The following PEX5L variants were observed in gnomAD, a reference collection of about 807,000 sequenced individuals.
PEX5L encodes peroxisomal biogenesis factor 5 like, also known as PEX5-related protein.
PEX5L carries 30 observed loss-of-function variants against 84.0 expected under a neutral mutation model. That is an observed-to-expected ratio of 0.36 (90% CI 0.27 to 0.48). The LOEUF is 0.48. Among genes scored for constraint, PEX5L ranks in the 20% least tolerant of loss-of-function variants. The probability of loss-of-function intolerance (pLI) is 0.99; values close to 1 mark genes in which losing one functional copy is unlikely to be tolerated. For missense variants in PEX5L, 533 were observed against 754.6 expected, an observed-to-expected ratio of 0.71 and a Z score of 3.44; for synonymous variants, 270 against 283.1, an observed-to-expected ratio of 0.95 and a Z score of 0.46.
At chr3:179,933,064 TG>T (rs1326481321) in intron 2 of PEX5L, among the ~76,000 whole-genome samples, 1 of 152,216 alleles carries the variant, frequency 6.6e-6, no homozygotes, top group Non-Finnish European at 1.5e-5. Context: ...TCTGCTTCTA[TG>T]AGTTCAATTT....
At chr3:180,018,277 T>A (rs909408682) in intron 1 of PEX5L, among the ~76,000 whole-genome samples, 44 of 152,202 alleles carry the variant, frequency 2.9e-4, no homozygotes, top group Admixed American at 1.0e-3. Flanking sequence ...ATATTTGCAA[T>A]TTTTCCATCA....
intron 10 of PEX5L, among the ~76,000 whole-genome samples, chr3:179,812,915 C>T (rs1395694145): frequency 1.3e-5 from 2 of 151,766 alleles, no homozygotes; most frequent in Admixed American, 6.6e-5. Flanking sequence ...TAGATTATAC[C>T]GTTTTAAAAC....
chr3:179,951,287 C>T (rs1391353349), intron 2 of PEX5L, among the ~76,000 whole-genome samples: 1 of 152,154 alleles, frequency 6.6e-6, no homozygotes, highest in African/African-American at 2.4e-5. Flanking sequence ...TAGCTTTCTA[C>T]TCCCGTGTCT....
Position 180,025,796 on chromosome 3 carries a change from G to A in PEX5L, c.21+10783C>T, listed in dbSNP as rs565281544. On this transcript the variant is annotated intron_variant, in intron 1 of 14. Transcript: ENST00000467460. ...CTTTATTCCACAGATAGTATGTTAAGAAACATTTTGGTAGCTCTATAAAAA... is the reference window on the plus strand; with the variant it reads ...CTTTATTCCACAGATAGTATGTTAAAAAACATTTTGGTAGCTCTATAAAAA... Among the ~76,000 whole-genome samples the A allele has an allele frequency of 2.0e-5, 3 of 152,358 alleles. No homozygotes were observed. The East Asian group carries it at 5.8e-4, about 29-fold the overall frequency.
chr3:179,849,454 G>A lies in PEX5L; in HGVS notation c.822+9608C>T, dbSNP rs535696952. Among the ~76,000 whole-genome samples, 27 of 152,294 alleles carry A rather than the reference G, an allele frequency of 1.8e-4. No individual in the cohort carries two copies. In the South Asian group the frequency reaches 5.0e-3, roughly 28 times the overall value. On this transcript the variant is annotated intron_variant, in intron 8 of 14. Coordinates refer to ENST00000467460, the MANE Select transcript of PEX5L (RefSeq NM_016559.3). ...AACCACGCATTTTACTAATGAAAAA[G>A]CTGCGGCCCAAATGCCATATTTTCA... is the stretch of plus-strand genomic sequence containing the variant.
chr3:179,980,784 G>C (rs992583381), intron 1 of PEX5L, among the ~76,000 whole-genome samples: 8 of 152,130 alleles, frequency 5.3e-5, no homozygotes, highest in African/African-American at 1.9e-4. Context: ...GCTCACACCT[G>C]TAATCCCAGC....
At chr3:179,957,243 C>T (rs1233809583) in intron 2 of PEX5L, among the ~76,000 whole-genome samples, 2 of 152,138 alleles carry the variant, frequency 1.3e-5, no homozygotes, top group Non-Finnish European at 2.9e-5. Context: ...TACTTTCTCT[C>T]TTGTCCAAAA....
In PEX5L at chr3:179,825,010, T is replaced by C. The variant is rs1453975203; in HGVS notation, c.823-5034A>G. Among the ~76,000 whole-genome samples the C allele has an allele frequency of 3.3e-5, 5 of 152,306 alleles. No individual in the cohort carries two copies. In the East Asian group the frequency reaches 9.6e-4, roughly 29 times the overall value. On this transcript the variant is annotated intron_variant, in intron 8 of 14. Coordinates refer to ENST00000467460, the MANE Select transcript of PEX5L (RefSeq NM_016559.3). ...ACATCACAGATGTGCAGTGTTCTCA[T>C]GGAGGATGGGATAGAATTTCAATTG... is the stretch of plus-strand genomic sequence containing the variant.
At chr3:179,952,811 A>G (rs1779459809) in intron 2 of PEX5L, among the ~76,000 whole-genome samples, 1 of 152,234 alleles carries the variant, frequency 6.6e-6, no homozygotes, top group Non-Finnish European at 1.5e-5. Flanking sequence ...CTAAGCAAAA[A>G]GAAGAAAGCT....
chr3:179,926,550 C>A (rs1771512627), intron 2 of PEX5L, among the ~76,000 whole-genome samples: 2 of 152,202 alleles, frequency 1.3e-5, no homozygotes, highest in Non-Finnish European at 2.9e-5. Flanking sequence ...AAAATAGGCC[C>A]TCCTTTGCTT....
intron 7 of PEX5L, among the ~76,000 whole-genome samples, chr3:179,866,790 C>T (rs1239742932): frequency 4.0e-5 from 6 of 151,706 alleles, no homozygotes; most frequent in Non-Finnish European, 5.9e-5. Flanking sequence ...TTTGGGAGGC[C>T]GAGGTGGGCG....
At chr3:179,996,627 T>C (rs911922486) in intron 1 of PEX5L, among the ~76,000 whole-genome samples, 8 of 152,144 alleles carry the variant, frequency 5.3e-5, no homozygotes, top group East Asian at 1.9e-4. Context: ...CCTTGTGAAA[T>C]AGATTTGTGA....
chr3:179,809,424 G>A, intron 12 of PEX5L, 47 bp downstream of exon 12: 1 of 1,401,524 alleles, frequency 7.1e-7, no homozygotes, highest in Non-Finnish European at 1.0e-6. Flanking sequence ...GTGATTCATT[G>A]TATATATGGG....
At chr3:179,863,678 A>T (rs919135048) in intron 7 of PEX5L, among the ~76,000 whole-genome samples, 7 of 152,286 alleles carry the variant, frequency 4.6e-5, no homozygotes, top group Admixed American at 2.0e-4. Flanking sequence ...AAGATGAAAG[A>T]TAAGTGTTGG....
chr3:179,993,908 C>T (rs2084736547), intron 1 of PEX5L, among the ~76,000 whole-genome samples: 2 of 152,174 alleles, frequency 1.3e-5, no homozygotes, highest in Admixed American at 1.3e-4. Context: ...ATGTTCAATG[C>T]ACACACTTTC....
At chr3:179,972,942 A>T (rs1785128894) in intron 1 of PEX5L, among the ~76,000 whole-genome samples, 2 of 152,144 alleles carry the variant, frequency 1.3e-5, no homozygotes. Context: ...TGGCCACAGC[A>T]TTTCTCCCTA....
rs1292779641 is a variant in PEX5L at position 179,794,961 on chromosome 3, A to T, written c.*6867T>A. The T allele has an allele frequency of 6.6e-6, 1 of 152,214 alleles. No homozygotes were observed. Among genetic ancestry groups the T allele is most frequent in the East Asian group, 1.9e-4 (1 of 5,200 alleles). The allele number at this position is 152,214 out of a possible 1,614,324, so 9.4% of individuals were successfully genotyped here. On this transcript the variant is annotated 3_prime_UTR_variant, in exon 15 of 15. Coordinates refer to ENST00000467460, the MANE Select transcript of PEX5L (RefSeq NM_016559.3). ...CCAAAAGACCCTAAAACTGAAATTT[A>T]TTTTAATATTTTTATTCTAAAAAGA... is the stretch of plus-strand genomic sequence containing the variant.
intron 2 of PEX5L, among the ~76,000 whole-genome samples, chr3:179,946,086 C>T (rs1345542201): frequency 6.6e-6 from 1 of 151,398 alleles, no homozygotes; most frequent in Non-Finnish European, 1.5e-5. Context: ...CCTTACCTCT[C>T]TTCATTGCTC....
At chr3:179,832,132 G>A (rs1457392677) in intron 8 of PEX5L, among the ~76,000 whole-genome samples, 1 of 152,080 alleles carries the variant, frequency 6.6e-6, no homozygotes, top group African/African-American at 2.4e-5. Context: ...GTAGGGTGCT[G>A]GCAGTGGAGA....
Sources: gnomAD v4.1 joint callset for allele counts (sites outside exome capture counted in the v4.1 genomes callset) on GRCh38, gnomAD v4.1.1 for gene constraint, MANE v1.5 for transcripts, NCBI Gene and HGNC (gene_info 2026-07-23, HGNC 2026-07-21) for gene names.